Variants in CNTNAP2 observed in about 807,000 individuals in gnomAD.
CNTNAP2 encodes contactin-associated protein-like 2.
Under a neutral mutation model 155.2 loss-of-function variants are expected in CNTNAP2, and 98 were observed. The observed-to-expected ratio is 0.63, with a 90% CI of 0.54 to 0.75. The LOEUF is 0.75. CNTNAP2 is among the 30% of genes least tolerant of loss of function. The probability of loss-of-function intolerance (pLI) is 0.00; values close to 1 mark genes in which losing one functional copy is unlikely to be tolerated. For synonymous variants in CNTNAP2, 651 were observed against 631.2 expected (o/e 1.03, Z -0.47); for missense variants, 1,727 against 1,688.1 (o/e 1.02, Z -0.40).
chr7:146,625,881 C>G (rs1240714180), intron 1 of CNTNAP2, among the ~76,000 whole-genome samples: 2 of 152,156 alleles, frequency 1.3e-5, no homozygotes, highest in Non-Finnish European at 2.9e-5. Flanking sequence ...TTACCAGGAA[C>G]TTGAAGCTGT....
chr7:146,911,205 G>T (rs1383482024), intron 3 of CNTNAP2, among the ~76,000 whole-genome samples: 2 of 152,074 alleles, frequency 1.3e-5, no homozygotes, highest in Non-Finnish European at 2.9e-5. Flanking sequence ...TACACTGTTG[G>T]TGGGACTGTA....
chr7:147,536,590 T>C (rs1012084393), intron 11 of CNTNAP2, among the ~76,000 whole-genome samples: 1 of 152,048 alleles, frequency 6.6e-6, no homozygotes, highest in Non-Finnish European at 1.5e-5. Context: ...TGAGGGGAAA[T>C]ATCTGTCCAT....
In CNTNAP2 at chr7:148,221,089, C is replaced by G. The variant is rs114098459; in HGVS notation, c.3247+3565C>G. ...ACCTCACATGCCCACTGCTACACAC[C>G]CACCGCTGCTGTGCCTTCATCACCT... is the stretch of plus-strand genomic sequence containing the variant. On this transcript the variant is annotated intron_variant, in intron 19 of 23. Coordinates refer to ENST00000361727, the MANE Select transcript of CNTNAP2 (RefSeq NM_014141.6). Among the ~76,000 whole-genome samples the G allele has an allele frequency of 5.8e-3, 878 of 152,166 alleles. 10 individuals carry two copies. Among genetic ancestry groups the G allele is most frequent in the African/African-American group, 0.02 (821 of 41,514 alleles).
chr7:147,332,607 T>C (rs1480843184), intron 9 of CNTNAP2, among the ~76,000 whole-genome samples: 6 of 152,142 alleles, frequency 3.9e-5, no homozygotes, highest in Non-Finnish European at 8.8e-5. Flanking sequence ...CTCATGCCTG[T>C]AATCCCAGCA....
chr7:147,734,445 A>G (rs7455249), intron 13 of CNTNAP2, among the ~76,000 whole-genome samples: 146,537 of 152,234 alleles, frequency 0.96, 70,745 homozygotes, highest in East Asian at 1. Context: ...TTTTTGCATC[A>G]ATGTTCATCA....
intron 1 of CNTNAP2, among the ~76,000 whole-genome samples, chr7:146,260,609 T>C (rs1040364295): frequency 6.6e-6 from 1 of 152,206 alleles, no homozygotes; most frequent in African/African-American, 2.4e-5. Flanking sequence ...CCTGCTGGAA[T>C]TGGACTTGAA....
chr7:147,385,875 C>T (rs1423565764), intron 9 of CNTNAP2, among the ~76,000 whole-genome samples: 1 of 152,202 alleles, frequency 6.6e-6, no homozygotes, highest in East Asian at 1.9e-4. Context: ...TCTGCACTGC[C>T]CTAGCAGAGG....
intron 21 of CNTNAP2, among the ~76,000 whole-genome samples, chr7:148,318,133 C>T (rs1797723334): frequency 6.6e-6 from 1 of 152,178 alleles, no homozygotes; most frequent in Non-Finnish European, 1.5e-5. Context: ...ATGCCTACTA[C>T]TCTTGAGGAT....
rs114505008 is a variant in CNTNAP2 at position 147,550,750 on chromosome 7, G to A, written c.1778-11388G>A. 6.2e-3 allele frequency among the ~76,000 whole-genome samples: 942 copies of A among 152,230 alleles called. 8 individuals carry two copies. The highest frequency in any genetic ancestry group is 0.022 in the African/African-American group (904 of 41,542). Reference sequence around the variant, plus strand: ...GAGCTGGGCCAGCACCTTCTGAAACGATCTTGTTCCCCAAATAACCACAAC... The same window carrying A: ...GAGCTGGGCCAGCACCTTCTGAAACAATCTTGTTCCCCAAATAACCACAAC... On this transcript the variant is annotated intron_variant, in intron 11 of 23. Coordinates refer to ENST00000361727, the MANE Select transcript of CNTNAP2 (RefSeq NM_014141.6).
intron 1 of CNTNAP2, among the ~76,000 whole-genome samples, chr7:146,666,048 TA>T (rs1419528066): frequency 1.3e-5 from 2 of 152,014 alleles, no homozygotes; most frequent in Non-Finnish European, 2.9e-5. Flanking sequence ...ATATGATTAT[TA>T]ACTATAATCA....
At chr7:146,548,252 A>G (rs1798059832) in intron 1 of CNTNAP2, among the ~76,000 whole-genome samples, 2 of 152,004 alleles carry the variant, frequency 1.3e-5, no homozygotes, top group Admixed American at 1.3e-4. Context: ...TTTGCTAAGG[A>G]TAATGGCCAA....
intron 13 of CNTNAP2, among the ~76,000 whole-genome samples, chr7:147,856,834 T>A (rs527315383): frequency 6.6e-6 from 1 of 152,170 alleles, no homozygotes; most frequent in South Asian, 2.1e-4. Flanking sequence ...TTGGAAAATA[T>A]TTGTCAGTAA....
At chr7:147,760,669 G>T (rs1797284889) in intron 13 of CNTNAP2, among the ~76,000 whole-genome samples, 2 of 152,256 alleles carry the variant, frequency 1.3e-5, no homozygotes, top group Admixed American at 1.3e-4. Context: ...TGAATCTCAA[G>T]GCAAATGGAG....
chr7:147,950,173 G>C (rs891913308), intron 14 of CNTNAP2, among the ~76,000 whole-genome samples: 47 of 151,952 alleles, frequency 3.1e-4, no homozygotes, highest in African/African-American at 1.1e-3. Context: ...TATAGTAAGG[G>C]AGGCACAGTA....
At chr7:147,882,246 G>T (rs1563122478) in intron 13 of CNTNAP2, among the ~76,000 whole-genome samples, 1 of 152,124 alleles carries the variant, frequency 6.6e-6, no homozygotes, top group African/African-American at 2.4e-5. Context: ...AGGAAGAAAT[G>T]GAACGTTATG....
chr7:146,818,429 A>AT (rs560796806), intron 2 of CNTNAP2, among the ~76,000 whole-genome samples: 2 of 152,118 alleles, frequency 1.3e-5, no homozygotes, highest in Admixed American at 1.3e-4. Flanking sequence ...TGTTTAGCAT[A>AT]TTTTTTCCAT....
At chr7:148,057,247 G>A (rs569566046) in intron 15 of CNTNAP2, among the ~76,000 whole-genome samples, 1 of 151,920 alleles carries the variant, frequency 6.6e-6, no homozygotes, top group East Asian at 1.9e-4. Context: ...GTAGGAGGGT[G>A]CACAAGTAGC....
At chr7:146,460,111 G>A (rs1434258690) in intron 1 of CNTNAP2, among the ~76,000 whole-genome samples, 2 of 152,116 alleles carry the variant, frequency 1.3e-5, no homozygotes, top group South Asian at 2.1e-4. Flanking sequence ...TCCTAAACTG[G>A]CCAAATCTCA....
At position 147,044,090 on chromosome 7, in the gene CNTNAP2, T is replaced by C. The variant is rs200736560; in HGVS notation, c.550+36T>C. On this transcript the variant is annotated intron_variant, in intron 4 of 23. Coordinates refer to ENST00000361727, the MANE Select transcript of CNTNAP2 (RefSeq NM_014141.6). Reference sequence around the variant, plus strand: ...TATTGTTTAAATTTGTGGCAGGTTTTATCTTTATTTAAATAGTAAGCTGTT... The same window carrying C: ...TATTGTTTAAATTTGTGGCAGGTTTCATCTTTATTTAAATAGTAAGCTGTT... The C allele has an allele frequency of 2.5e-4, 399 of 1,612,136 alleles. 2 individuals carry two copies. In the East Asian group the frequency reaches 8.6e-3, roughly 35 times the overall value.
Sources: gnomAD v4.1 joint callset for allele counts (sites outside exome capture counted in the v4.1 genomes callset) on GRCh38, gnomAD v4.1.1 for gene constraint, MANE v1.5 for transcripts, NCBI Gene and HGNC (gene_info 2026-07-23, HGNC 2026-07-21) for gene names.